Variants in TCP11 observed in about 807,000 individuals in gnomAD.
The protein encoded by TCP11 is t-complex 11, also known as T-complex protein 11 homolog.
In TCP11, 34 loss-of-function variants were observed where a neutral mutation model predicts 45.0. The ratio of observed to expected loss-of-function variants is 0.76; its 90% CI spans 0.57 to 1.01. The LOEUF (loss-of-function observed/expected upper bound fraction) is 1.01. Ranked by LOEUF, TCP11 falls within the 50% of genes least tolerant of loss-of-function variation. TCP11 has a pLI of 0.00. For missense variants in TCP11, 523 were observed against 598.1 expected (o/e 0.87, Z 1.31); for synonymous variants, 227 against 227.0 (o/e 1.00, Z 0.00).
chr6:35,127,860 G>C (rs1399227314), intron 4 of TCP11, among the ~76,000 whole-genome samples: 1 of 152,230 alleles, frequency 6.6e-6, no homozygotes, highest in African/African-American at 2.4e-5. Flanking sequence ...TGGAAACTGA[G>C]TAGCCGAAGG....
intron 2 of TCP11, among the ~76,000 whole-genome samples, chr6:35,138,753 A>C (rs1447485297): frequency 6.6e-6 from 1 of 152,250 alleles, no homozygotes; most frequent in Non-Finnish European, 1.5e-5. Context: ...GATTGTTTGT[A>C]ACACAAAGGA....
chr6:35,140,972 G>T, intron 1 of TCP11, 88 bp from the exon 2 acceptor site: 1 of 1,424,808 alleles, frequency 7.0e-7, no homozygotes. Flanking sequence ...CGGGAAGGGG[G>T]GTAGCGGCCT....
At chr6:35,130,984 A>G (rs993579441) in intron 3 of TCP11, among the ~76,000 whole-genome samples, 1 of 152,372 alleles carries the variant, frequency 6.6e-6, no homozygotes, top group South Asian at 2.1e-4. Flanking sequence ...ACTGATAAAT[A>G]AACTGCCCAT....
intron 2 of TCP11, chr6:35,140,286 GAGA>G: frequency 7.6e-7 from 1 of 1,308,532 alleles, no homozygotes; most frequent in African/African-American, 1.5e-5. Context: ...ACGAAGCGCG[GAGA>G]AGACCTTGTG....
chr6:35,135,748 A>C (rs1162200373), intron 3 of TCP11, among the ~76,000 whole-genome samples: 1 of 152,110 alleles, frequency 6.6e-6, no homozygotes, highest in Non-Finnish European at 1.5e-5. Context: ...AATAAAAACA[A>C]CCAAAACGGA....
At chr6:35,127,718 G>A (rs756613402) in intron 4 of TCP11, among the ~76,000 whole-genome samples, 1 of 152,208 alleles carries the variant, frequency 6.6e-6, no homozygotes, top group Non-Finnish European at 1.5e-5. Flanking sequence ...CTGAATTTGA[G>A]GAGCGGCCAG....
At chr6:35,128,995 G>A in intron 4 of TCP11, 67 bp downstream of exon 4, 1 of 1,576,562 alleles carries the variant, frequency 6.3e-7, no homozygotes, top group Non-Finnish European at 8.6e-7. Flanking sequence ...AGATTTGCTA[G>A]CCACTGACAC....
At chr6:35,141,142 G>C (rs1286574807) in intron 1 of TCP11, 63 bp downstream of exon 1, 4 of 1,316,648 alleles carry the variant, frequency 3.0e-6, no homozygotes, top group Admixed American at 8.0e-5. Flanking sequence ...CTTCCTTCGC[G>C]GCGAGGTGCC....
chr6:35,126,903 C>G (rs1220468753), intron 4 of TCP11, among the ~76,000 whole-genome samples: 1 of 151,990 alleles, frequency 6.6e-6, no homozygotes, highest in East Asian at 1.9e-4. Context: ...AGCATTCTGC[C>G]CACCTGAGCC....
intron 4 of TCP11, among the ~76,000 whole-genome samples, chr6:35,127,442 A>G (rs972127100): frequency 1.3e-5 from 2 of 152,242 alleles, no homozygotes; most frequent in Non-Finnish European, 2.9e-5. Flanking sequence ...AAGAACCCCA[A>G]CTAGCTGAAG....
At chr6:35,137,813 A>C (rs1196341525) in intron 2 of TCP11, 2 of 455,816 alleles carry the variant, frequency 4.4e-6, no homozygotes, top group Non-Finnish European at 8.8e-6. Flanking sequence ...GAGGAGATGT[A>C]GATGAACAAA....
chr6:35,123,260 T>C (rs1464561878), intron 4 of TCP11, among the ~76,000 whole-genome samples: 2 of 152,180 alleles, frequency 1.3e-5, no homozygotes, highest in Non-Finnish European at 2.9e-5. Context: ...TGAGTGAGGT[T>C]TGATGACCAG....
intron 3 of TCP11, among the ~76,000 whole-genome samples, chr6:35,131,366 G>T (rs770790177): frequency 1.3e-5 from 2 of 151,892 alleles, no homozygotes; most frequent in East Asian, 1.9e-4. Flanking sequence ...CCAGGAGTTC[G>T]AGACCGGCCT....
rs1244438506 is a variant in TCP11 at position 35,120,977 on chromosome 6, G to C, written c.647C>G (p.Pro216Arg). ...CTGAATGGAATGTTCCTGCAGGTGGGGTTGAAGGCTCTGGATAGTGTAGTT... is the reference window on the plus strand; with the variant it reads ...CTGAATGGAATGTTCCTGCAGGTGGCGTTGAAGGCTCTGGATAGTGTAGTT... ...MVNYTIQSLQ[P>R]HLQEHSIQYE... is the part of the protein sequence containing the mutation. The change falls in exon 6 of 10, where the codon CCC becomes CGC. Residue 216 changes from proline (P) to arginine (R), a missense_variant. By Grantham distance (103) the Pro-to-Arg change is moderately radical (BLOSUM62 -2). This residue lies in a region of TCP11 where 298 missense variants were observed against 387.9 expected (regional missense o/e 0.77). Transcript: ENST00000311875. The surrounding 1 kb of genome is among the most constrained non-coding windows in gnomAD (Gnocchi z 4.9). 2 of 1,614,054 alleles carry C rather than the reference G, an allele frequency of 1.2e-6. No individual in the cohort carries two copies. The highest frequency in any genetic ancestry group is 3.3e-5 in the Admixed American group (2 of 60,026).
intron 3 of TCP11, among the ~76,000 whole-genome samples, chr6:35,134,788 C>T (rs1177183382): frequency 6.6e-6 from 1 of 152,048 alleles, no homozygotes; most frequent in Non-Finnish European, 1.5e-5. Context: ...CAACTGTATT[C>T]ACATCTTTGT....
chr6:35,140,788 G>T lies in TCP11; in HGVS notation c.83C>A (p.Pro28His). Residue 28 changes from proline to histidine, a missense_variant, in exon 2 of 10, where the codon CCC (proline) becomes CAC (histidine). Coordinates refer to ENST00000311875, the MANE Select transcript of TCP11 (RefSeq NM_001370687.1). ...GGAGCCGCTCTTGTCTTCCTGGGGG[G>T]GTCCTGAGGTTTCGGGCTTACAGGA... ...GRSCKPETSG[P>H]PQEDKSGSED... The T allele has an allele frequency of 1.3e-6, 2 of 1,530,598 alleles. No individual in the cohort carries two copies. The highest frequency in any genetic ancestry group is 1.8e-4 in the Middle Eastern group (1 of 5,646). The allele number at this position is 1,530,598 out of a possible 1,614,324, so 94.8% of individuals were successfully genotyped here. A position where few individuals can be genotyped will look rare whatever the true frequency, so the allele number is the denominator to read the frequency against.
intron 3 of TCP11, among the ~76,000 whole-genome samples, chr6:35,133,188 T>G (rs1022117694): frequency 6.6e-6 from 1 of 152,180 alleles, no homozygotes; most frequent in African/African-American, 2.4e-5. Flanking sequence ...TACAATCTTT[T>G]TTTTTAGAGA....
rs749016185 is a variant in TCP11 at position 35,118,425 on chromosome 6, G to A, written c.1356C>T (p.Gly452=). 1.9e-6 allele frequency: 3 copies of A among 1,614,006 alleles called. No individual in the cohort carries two copies. The highest frequency in any genetic ancestry group is 2.5e-6 in the Non-Finnish European group (3 of 1,180,030). ...VQRSLLDLPG[G]LTLIEAELAE... ...CCAGTTCTGCTTCAATGAGAGTAAG[G>A]CCTCCAGGAAGGTCTAATAGAGACC... The change falls in exon 10 of 10, where the codon GGC becomes GGT. Residue 452 remains glycine (G), a synonymous_variant. Transcript: ENST00000311875.
chr6:35,118,820 A>G (rs187215090), intron 9 of TCP11, among the ~76,000 whole-genome samples: 2 of 152,378 alleles, frequency 1.3e-5, no homozygotes, highest in Admixed American at 1.3e-4. Flanking sequence ...GGTTAGGAGC[A>G]GGCTGGCCAA....
Sources: allele counts gnomAD v4.1 joint callset (sites outside exome capture counted in the v4.1 genomes callset), GRCh38; gene constraint gnomAD v4.1.1; regional missense constraint gnomAD v4.1.1; non-coding constraint Gnocchi (gnomAD v3.1); transcripts MANE v1.5; gene names NCBI Gene and HGNC (gene_info 2026-07-23, HGNC 2026-07-21).